The following SDHA variants were observed in gnomAD, a reference collection of about 807,000 sequenced individuals.
SDHA encodes succinate dehydrogenase complex flavoprotein subunit A.
In SDHA, 48 loss-of-function variants were observed where a neutral mutation model predicts 78.4. That is an observed-to-expected ratio of 0.61 (90% CI 0.49 to 0.78). SDHA has a LOEUF of 0.78. SDHA is among the 30% of genes least tolerant of loss of function. SDHA has a pLI of 0.00. For missense variants in SDHA, 680 were observed against 892.7 expected, an observed-to-expected ratio of 0.76 and a Z score of 3.04; for synonymous variants, 326 against 353.9, an observed-to-expected ratio of 0.92 and a Z score of 0.88.
intron 11 of SDHA, 95 bp from the exon 12 acceptor site, chr5:250,897 A>G: frequency 9.7e-7 from 1 of 1,031,780 alleles, no homozygotes; most frequent in Admixed American, 1.7e-5. Context: ...GTAACTTTTA[A>G]GTGAAATGCA....
downstream of SDHA, among the ~76,000 whole-genome samples, chr5:258,174 T>C (rs866391176): frequency 1.7e-4 from 20 of 117,098 alleles, 2 homozygotes; most frequent in South Asian, 2.7e-4. Flanking sequence ...CTCCACCCCC[T>C]GCCAGAGCAT....
intron 11 of SDHA, among the ~76,000 whole-genome samples, chr5:242,593 T>C (rs1297017183): frequency 2.0e-5 from 3 of 152,232 alleles, no homozygotes; most frequent in African/African-American, 7.2e-5. Flanking sequence ...TCTGTGTGTG[T>C]GTCTTTAATT....
intron 14 of SDHA, among the ~76,000 whole-genome samples, chr5:254,847 GAC>G (rs1218359078): frequency 3.9e-5 from 6 of 151,920 alleles, no homozygotes; most frequent in African/African-American, 9.7e-5. Context: ...GTGGGGTGGG[GAC>G]ACACAGCCAT....
chr5:262,754 G>A, the SDHA span, among the ~76,000 whole-genome samples: 3 of 152,182 alleles, frequency 2.0e-5, no homozygotes, highest in Non-Finnish European at 4.4e-5. Flanking sequence ...AGAGAACAAT[G>A]ACAATTATTT....
chr5:225,903 G>T lies in SDHA; in HGVS notation c.477G>T (p.Pro159=), dbSNP rs771741537. ...AVVELENYGM[P]FSRTEDGKIY... The stretch of plus-strand genomic sequence containing the variant: ...CACAGCTAGAAAATTATGGCATGCC[G>T]TTTAGCAGAACTGAAGATGGGAAGA... Residue 159 remains proline (P), a synonymous_variant, in exon 5 of 15, where the codon CCG becomes CCT. Transcript: ENST00000264932. The T allele has an allele frequency of 1.9e-6, 3 of 1,613,168 alleles. No individual in the cohort carries two copies. Among genetic ancestry groups the T allele is most frequent in the Non-Finnish European group, 2.5e-6 (3 of 1,179,958 alleles).
rs1735671618 is a variant in SDHA, at chr5:234,973, GGCACACAGTA to G, written c.1065-168_1065-159del. On this transcript the variant is annotated intron_variant, in intron 8 of 14. Coordinates refer to ENST00000264932, the MANE Select transcript of SDHA (RefSeq NM_004168.4). ...TGTCCCAGCACCTGGGATTGTCCCT[GGCACACAGTA>G]GCTGCTTAGAAAAGATTTGATGAGA... 1.7e-5 allele frequency: 12 copies of G among 710,046 alleles called. No individual in the cohort carries two copies. The South Asian group carries it at 2.0e-4, about 12-fold the overall frequency. The allele number at this position is 710,046 out of a possible 1,614,324, so 44.0% of individuals were successfully genotyped here.
chr5:238,699 C>T (rs1341399487), intron 10 of SDHA, among the ~76,000 whole-genome samples: 4 of 152,130 alleles, frequency 2.6e-5, no homozygotes, highest in Non-Finnish European at 5.9e-5. Context: ...TGGCTCACGC[C>T]TATAATCCCA....
chr5:258,330 G>C (rs1447207665), downstream of SDHA, among the ~76,000 whole-genome samples: 37 of 104,140 alleles, frequency 3.6e-4, 8 homozygotes, highest in Non-Finnish European at 3.8e-4. Context: ...CCGCCCCCCT[G>C]TCAGAGCATT....
At chr5:248,326 C>T (rs552613880) in intron 11 of SDHA, among the ~76,000 whole-genome samples, 50 of 152,246 alleles carry the variant, frequency 3.3e-4, no homozygotes, top group African/African-American at 1.0e-3. Context: ...AACACAGCCA[C>T]CCACCTGAGG....
Position 229,998 on chromosome 5 carries a change from A to G in SDHA, c.771-878A>G, listed in dbSNP as rs146350613. Among the ~76,000 whole-genome samples the G allele has an allele frequency of 1.8e-4, 27 of 150,212 alleles. No individual in the cohort carries two copies. In the East Asian group the frequency reaches 5.2e-3, roughly 29 times the overall value. On this transcript the variant is annotated intron_variant, in intron 6 of 14. Transcript: ENST00000264932. ...CAGCATGGTGGCTAGAGTTAACATT[A>G]TACAGCATGGTGGCTAGAGTTAATA...
At chr5:249,515 CACAA>C (rs1309315435) in intron 11 of SDHA, 2 of 154,216 alleles carry the variant, frequency 1.3e-5, no homozygotes, top group East Asian at 3.8e-4. Flanking sequence ...ATTCTTAAAC[CACAA>C]ACAATAGCAT....
chr5:231,515 G>A (rs1363842986), intron 7 of SDHA, among the ~76,000 whole-genome samples: 4 of 150,000 alleles, frequency 2.7e-5, no homozygotes, highest in South Asian at 2.1e-4. Context: ...AGCCGAGATC[G>A]CGCCACTGCA....
intron 11 of SDHA, chr5:250,481 G>A (rs1275750365): frequency 2.7e-5 from 6 of 223,718 alleles, no homozygotes; most frequent in South Asian, 6.7e-5. Flanking sequence ...GTAGCCAGAT[G>A]GGCCAAGGGC....
At chr5:239,419 A>G (rs909697730) in intron 10 of SDHA, among the ~76,000 whole-genome samples, 1 of 151,938 alleles carries the variant, frequency 6.6e-6, no homozygotes, top group Non-Finnish European at 1.5e-5. Flanking sequence ...TTAGCCAGGT[A>G]TGGTGGCATA....
chr5:249,391 G>T, intron 11 of SDHA: 1 of 182,950 alleles, frequency 5.5e-6, no homozygotes, highest in Non-Finnish European at 1.1e-5. Context: ...CAAAATCTCT[G>T]CAGCACTCTG....
intron 8 of SDHA, chr5:233,866 T>A (rs1003708901): frequency 9.5e-6 from 5 of 526,678 alleles, no homozygotes; most frequent in African/African-American, 5.8e-5. Context: ...GAACAGAGTT[T>A]CTCTTAGTGT....
At chr5:235,079 A>G in intron 8 of SDHA, 65 bp from the exon 9 acceptor site, 1 of 1,468,904 alleles carries the variant, frequency 6.8e-7, no homozygotes, top group Non-Finnish European at 9.5e-7. Flanking sequence ...TTCCAAGATG[A>G]CGTATTCTCA....
chr5:228,623 A>G (rs190366571), intron 6 of SDHA, among the ~76,000 whole-genome samples: 1 of 152,192 alleles, frequency 6.6e-6, no homozygotes, highest in African/African-American at 2.4e-5. Flanking sequence ...CTGTGGCCCA[A>G]AGAGTCAACA....
At chr5:266,600 G>A in the SDHA span, among the ~76,000 whole-genome samples, 1 of 152,238 alleles carries the variant, frequency 6.6e-6, no homozygotes, top group Non-Finnish European at 1.5e-5. Flanking sequence ...ACCCATGTGT[G>A]TGAGGAGAAA....
Sources: allele counts gnomAD v4.1 joint callset (sites outside exome capture counted in the v4.1 genomes callset), GRCh38; gene constraint gnomAD v4.1.1; transcripts MANE v1.5; gene names NCBI Gene and HGNC (gene_info 2026-07-23, HGNC 2026-07-21).